Variants in NUDT3 observed in about 807,000 individuals in gnomAD.
NUDT3 encodes the protein diphosphoinositol polyphosphate phosphohydrolase 1.
NUDT3 carries 9 observed loss-of-function variants against 23.6 expected under a neutral mutation model. That is an observed-to-expected ratio of 0.38 (90% CI 0.23 to 0.66). The LOEUF is 0.66. Ranked by LOEUF, NUDT3 falls within the 30% of genes least tolerant of loss-of-function variation. NUDT3 has a pLI of 0.52. For synonymous variants in NUDT3, 86 were observed against 82.6 expected (o/e 1.04, Z -0.22); for missense variants, 172 against 218.5 (o/e 0.79, Z 1.34).
intron 2 of NUDT3, among the ~76,000 whole-genome samples, chr6:34,306,253 C>T (rs1763677115): frequency 6.6e-6 from 1 of 152,142 alleles, no homozygotes; most frequent in Non-Finnish European, 1.5e-5. Flanking sequence ...TCATGACTAC[C>T]ATACTGTCTT....
chr6:34,315,969 AAC>A (rs1439852077), intron 2 of NUDT3, among the ~76,000 whole-genome samples: 1 of 152,182 alleles, frequency 6.6e-6, no homozygotes, highest in Admixed American at 6.5e-5. Context: ...GGTTAAAAAC[AAC>A]CTCTTCCCCT....
intron 1 of NUDT3, among the ~76,000 whole-genome samples, chr6:34,368,946 G>T (rs1034237160): frequency 6.6e-6 from 1 of 152,102 alleles, no homozygotes; most frequent in Non-Finnish European, 1.5e-5. Context: ...CCCAACAGTA[G>T]CTCTGTTTAA....
chr6:34,370,372 C>T (rs1177285396), intron 1 of NUDT3, among the ~76,000 whole-genome samples: 1 of 152,214 alleles, frequency 6.6e-6, no homozygotes, highest in Non-Finnish European at 1.5e-5. Flanking sequence ...CTCCTCATGG[C>T]CTCAAAGTGG....
intron 2 of NUDT3, 71 bp from the exon 3 acceptor site, chr6:34,295,756 G>C: frequency 6.3e-7 from 1 of 1,585,968 alleles, no homozygotes; most frequent in Non-Finnish European, 8.6e-7. Context: ...GTCTTCTTAA[G>C]CAGTTTATAA....
chr6:34,380,500 G>A (rs1465667520), intron 1 of NUDT3, among the ~76,000 whole-genome samples: 1 of 152,140 alleles, frequency 6.6e-6, no homozygotes, highest in African/African-American at 2.4e-5. Flanking sequence ...TTATAGGCAA[G>A]AGTCACTGCA....
At chr6:34,373,007 C>T (rs1764857543) in intron 1 of NUDT3, among the ~76,000 whole-genome samples, 3 of 151,888 alleles carry the variant, frequency 2.0e-5, no homozygotes, top group South Asian at 4.2e-4. Flanking sequence ...GTGCCGGGCG[C>T]GGTGGCTCAC....
At chr6:34,322,094 G>C (rs574825929) in intron 2 of NUDT3, among the ~76,000 whole-genome samples, 10 of 152,292 alleles carry the variant, frequency 6.6e-5, no homozygotes, top group African/African-American at 2.4e-4. Context: ...CTTCACTTCA[G>C]AAAGTTCTAT....
chr6:34,376,246 CTTTT>C (rs1013015189), intron 1 of NUDT3, among the ~76,000 whole-genome samples: 1 of 149,734 alleles, frequency 6.7e-6, no homozygotes, highest in African/African-American at 2.4e-5. Context: ...GCTCCTTCAT[CTTTT>C]TTTTTTCTTT....
At chr6:34,298,528 T>A (rs1056869607) in intron 2 of NUDT3, among the ~76,000 whole-genome samples, 9 of 151,208 alleles carry the variant, frequency 6.0e-5, no homozygotes, top group African/African-American at 2.2e-4. Flanking sequence ...CTAGTGTAAA[T>A]CAAATTATGC....
At chr6:34,322,286 A>G (rs377209523) in intron 2 of NUDT3, among the ~76,000 whole-genome samples, 16 of 151,024 alleles carry the variant, frequency 1.1e-4, no homozygotes, top group Middle Eastern at 3.4e-3. Context: ...GCTGGAGTGC[A>G]GTGGCACGAT....
At chr6:34,365,638 C>A (rs1764715820) in intron 1 of NUDT3, among the ~76,000 whole-genome samples, 1 of 152,136 alleles carries the variant, frequency 6.6e-6, no homozygotes, top group Non-Finnish European at 1.5e-5. Context: ...CAGAATGGGG[C>A]ATAGTGGCTC....
intron 2 of NUDT3, 115 bp downstream of exon 2, chr6:34,341,747 C>A: frequency 1.2e-6 from 1 of 839,770 alleles, no homozygotes; most frequent in Non-Finnish European, 1.8e-6. Flanking sequence ...CATTCATTGC[C>A]CTTTTTCTGT....
chr6:34,344,808 C>T (rs576679267), intron 1 of NUDT3, among the ~76,000 whole-genome samples: 17 of 149,158 alleles, frequency 1.1e-4, no homozygotes, highest in African/African-American at 3.4e-4. Context: ...CCTGTCACCA[C>T]GCCCAGTTAA....
At chr6:34,299,128 A>G (rs1368609094) in intron 2 of NUDT3, among the ~76,000 whole-genome samples, 1 of 152,224 alleles carries the variant, frequency 6.6e-6, no homozygotes, top group Admixed American at 6.5e-5. Flanking sequence ...TTTATCTGTC[A>G]CATGATTCCT....
chr6:34,379,754 C>T (rs905621008), intron 1 of NUDT3, among the ~76,000 whole-genome samples: 11 of 151,768 alleles, frequency 7.2e-5, no homozygotes, highest in Admixed American at 3.9e-4. Context: ...GTGGTTCATG[C>T]TTGTAATCTC....
intron 1 of NUDT3, among the ~76,000 whole-genome samples, chr6:34,359,552 T>C (rs1014410640): frequency 8.5e-5 from 13 of 152,230 alleles, no homozygotes; most frequent in African/African-American, 3.1e-4. Flanking sequence ...TCTGTCTTCT[T>C]TCACTTAGCA....
intron 1 of NUDT3, among the ~76,000 whole-genome samples, chr6:34,380,431 C>A (rs1332776226): frequency 6.6e-6 from 1 of 152,082 alleles, no homozygotes; most frequent in Non-Finnish European, 1.5e-5. Context: ...TGGCTCACTG[C>A]AGCCTCAAAC....
At chr6:34,353,145 A>G (rs1764503461) in intron 1 of NUDT3, among the ~76,000 whole-genome samples, 1 of 152,178 alleles carries the variant, frequency 6.6e-6, no homozygotes, top group Non-Finnish European at 1.5e-5. Flanking sequence ...ATACATATTT[A>G]TTCTTTTCTT....
At position 34,292,605 on chromosome 6, in the gene NUDT3, GAAA is replaced by G. The variant is rs1293271545; in HGVS notation, c.340+843_340+845del. Among the ~76,000 whole-genome samples, 3 of 151,184 alleles carry G rather than the reference GAAA, an allele frequency of 2.0e-5. No individual in the cohort carries two copies. In the South Asian group the frequency reaches 6.3e-4, roughly 32 times the overall value. On this transcript the variant is annotated intron_variant, in intron 4 of 4. Coordinates refer to ENST00000607016, the MANE Select transcript of NUDT3 (RefSeq NM_006703.4). The stretch of plus-strand genomic sequence containing the variant: ...TCATTTTTATATTCATATAAAATAT[GAAA>G]AAATATAAAAATATATATTATAGAT...
Sources: gnomAD v4.1 joint callset for allele counts (sites outside exome capture counted in the v4.1 genomes callset) on GRCh38, gnomAD v4.1.1 for gene constraint, MANE v1.5 for transcripts, NCBI Gene and HGNC (gene_info 2026-07-23, HGNC 2026-07-21) for gene names.